The following NAALADL2 variants were observed in gnomAD, a reference collection of about 807,000 sequenced individuals.
The protein encoded by NAALADL2 is inactive N-acetylated-alpha-linked acidic dipeptidase-like protein 2.
NAALADL2 carries 76 observed loss-of-function variants against 87.2 expected under a neutral mutation model. The observed-to-expected ratio is 0.87, with a 90% confidence interval of 0.72 to 1.05. The LOEUF is 1.05. Ranked by LOEUF, NAALADL2 falls within the 50% of genes least tolerant of loss-of-function variation. The pLI is 0.00. For missense variants in NAALADL2, 1,089 were observed against 945.8 expected (o/e 1.15, Z -1.99); for synonymous variants, 354 against 331.0 (o/e 1.07, Z -0.75).
chr3:174,684,871 T>C lies in NAALADL2; in HGVS notation c.-114-52770T>C, dbSNP rs545474989. On this transcript the variant is annotated intron_variant, in intron 2 of 3. Coordinates refer to the NAALADL2 transcript ENST00000434257. ...CAACAGGACACTTGATGAACTCTCA[T>C]TGAAGTGAGGAAAAACAAAGACAAG... Among the ~76,000 whole-genome samples the C allele has an allele frequency of 5.9e-5, 9 of 152,238 alleles. 1 individual carries two copies. In the East Asian group the frequency reaches 1.4e-3, roughly 23 times the overall value.
chr3:174,985,062 A>G (rs902451495), intron 1 of NAALADL2, among the ~76,000 whole-genome samples: 11 of 152,362 alleles, frequency 7.2e-5, no homozygotes, highest in Non-Finnish European at 1.5e-4. Context: ...CCTAACACCA[A>G]TGGTTCAGAT....
intron 11 of NAALADL2, among the ~76,000 whole-genome samples, chr3:175,645,959 G>GAACCAATAA (rs1729951907): frequency 6.6e-6 from 1 of 152,104 alleles, no homozygotes; most frequent in Non-Finnish European, 1.5e-5. Context: ...TGGTTCAGTG[G>GAACCAATAA]TCTGACAGTG....
intron 2 of NAALADL2, among the ~76,000 whole-genome samples, chr3:174,734,527 G>A (rs1045833287): frequency 4.6e-5 from 7 of 152,160 alleles, no homozygotes; most frequent in African/African-American, 1.4e-4. Context: ...CAGAGAGAGA[G>A]TGTGCAAACT....
At chr3:175,489,141 G>T (rs1727708228) in intron 9 of NAALADL2, among the ~76,000 whole-genome samples, 1 of 152,078 alleles carries the variant, frequency 6.6e-6, no homozygotes. Flanking sequence ...ACTAAGGGTA[G>T]CATAAAAAGA....
intron 1 of NAALADL2, among the ~76,000 whole-genome samples, chr3:174,546,865 C>T (rs1722794722): frequency 6.6e-6 from 1 of 152,060 alleles, no homozygotes. Context: ...ACTATGTTGT[C>T]TAGGTTGGTT....
intron 9 of NAALADL2, among the ~76,000 whole-genome samples, chr3:175,527,238 G>A (rs1279016224): frequency 6.6e-6 from 1 of 152,112 alleles, no homozygotes; most frequent in Non-Finnish European, 1.5e-5. Flanking sequence ...GGCTACATTA[G>A]CCAGTTTTCA....
intron 9 of NAALADL2, among the ~76,000 whole-genome samples, chr3:175,561,639 G>A (rs1320296081): frequency 6.6e-6 from 1 of 152,006 alleles, no homozygotes; most frequent in Non-Finnish European, 1.5e-5. Context: ...TATAGAATTG[G>A]TCCATTATAT....
chr3:175,191,088 T>C (rs1199452107), intron 2 of NAALADL2, among the ~76,000 whole-genome samples: 2 of 152,118 alleles, frequency 1.3e-5, no homozygotes, highest in Non-Finnish European at 2.9e-5. Flanking sequence ...TTGTACTGTA[T>C]TTGGAATTTT....
chr3:174,925,350 T>C (rs1320536408), intron 1 of NAALADL2, among the ~76,000 whole-genome samples: 1 of 152,204 alleles, frequency 6.6e-6, no homozygotes, highest in Non-Finnish European at 1.5e-5. Context: ...TTTCTTGTTT[T>C]TGTCAGGTTT....
At chr3:174,999,277 C>T (rs771781854) in intron 1 of NAALADL2, among the ~76,000 whole-genome samples, 1 of 151,996 alleles carries the variant, frequency 6.6e-6, no homozygotes, top group Non-Finnish European at 1.5e-5. Flanking sequence ...ACTTTTTTAA[C>T]ATTTAAAAGC....
chr3:175,002,438 C>G (rs1478467109), intron 1 of NAALADL2, among the ~76,000 whole-genome samples: 2 of 152,060 alleles, frequency 1.3e-5, no homozygotes, highest in East Asian at 3.9e-4. Context: ...AATAGAAAAA[C>G]ACTCCTTAAA....
chr3:175,527,468 G>T (rs1733574361), intron 9 of NAALADL2, among the ~76,000 whole-genome samples: 1 of 151,990 alleles, frequency 6.6e-6, no homozygotes, highest in Admixed American at 6.6e-5. Flanking sequence ...GTTGGATTAG[G>T]CAGTCTTCTA....
chr3:174,614,113 G>A (rs189215390), intron 2 of NAALADL2, among the ~76,000 whole-genome samples: 1 of 152,244 alleles, frequency 6.6e-6, no homozygotes, highest in East Asian at 1.9e-4. Context: ...GAAGGAAAGG[G>A]CCTTTTTTAG....
intron 1 of NAALADL2, among the ~76,000 whole-genome samples, chr3:174,985,054 T>G (rs2108674280): frequency 6.6e-6 from 1 of 152,318 alleles, no homozygotes; most frequent in East Asian, 1.9e-4. Context: ...CTAACTCACC[T>G]AACACCAATG....
Position 174,972,940 on chromosome 3 carries a change from G to A in NAALADL2, c.43+113490G>A, listed in dbSNP as rs368863624. ...GAACCTGGGAGGCGGAGGTTGTGGT[G>A]AGCTGAGATCGTGCCATTGCACTCC... is the stretch of plus-strand genomic sequence containing the variant. On this transcript the variant is annotated intron_variant, in intron 1 of 13. Coordinates refer to ENST00000454872, the MANE Select transcript of NAALADL2 (RefSeq NM_207015.3). Among the ~76,000 whole-genome samples, 21 of 149,974 alleles carry A rather than the reference G, an allele frequency of 1.4e-4. No homozygotes were observed. The East Asian group carries it at 3.5e-3, about 25-fold the overall frequency.
chr3:175,229,341 C>T (rs1407598456), intron 2 of NAALADL2, among the ~76,000 whole-genome samples: 1 of 151,858 alleles, frequency 6.6e-6, no homozygotes, highest in African/African-American at 2.4e-5. Flanking sequence ...GAGAGTTTAG[C>T]AGGTTTTCTT....
intron 5 of NAALADL2, among the ~76,000 whole-genome samples, chr3:175,369,202 A>G (rs1031983203): frequency 5.3e-5 from 8 of 152,172 alleles, no homozygotes; most frequent in African/African-American, 1.9e-4. Context: ...GTCATCATGC[A>G]GCACCTGACT....
chr3:175,001,980 C>A (rs780661691), intron 1 of NAALADL2, among the ~76,000 whole-genome samples: 56 of 152,148 alleles, frequency 3.7e-4, no homozygotes, highest in Non-Finnish European at 7.3e-4. Flanking sequence ...TGTATCTTTT[C>A]TGTGCACACT....
intron 2 of NAALADL2, among the ~76,000 whole-genome samples, chr3:174,679,270 T>C (rs1482410444): frequency 6.6e-6 from 1 of 152,186 alleles, no homozygotes; most frequent in Non-Finnish European, 1.5e-5. Context: ...TATATTTATA[T>C]ATATTTTCTA....
Sources: allele counts gnomAD v4.1 joint callset (sites outside exome capture counted in the v4.1 genomes callset), GRCh38; gene constraint gnomAD v4.1.1; transcripts MANE v1.5; gene names NCBI Gene and HGNC (gene_info 2026-07-23, HGNC 2026-07-21).